The following SPIDR variants were observed in gnomAD, a reference collection of about 807,000 sequenced individuals.
The protein encoded by SPIDR is scaffold protein involved in DNA repair, also known as DNA repair-scaffolding protein.
A neutral mutation model predicts 104.6 loss-of-function variants in SPIDR; 93 were observed. That is an observed-to-expected ratio of 0.89 (90% CI 0.75 to 1.06). The LOEUF is 1.06. Among genes scored for constraint, SPIDR ranks in the 50% least tolerant of loss-of-function variants. The pLI is 0.00. For synonymous variants in SPIDR, 431 were observed against 416.9 expected, an observed-to-expected ratio of 1.03 and a Z score of -0.41; for missense variants, 1,154 against 1,111.2, an observed-to-expected ratio of 1.04 and a Z score of -0.55.
At chr8:47,583,609 C>T (rs2059969620) in intron 8 of SPIDR, among the ~76,000 whole-genome samples, 1 of 152,160 alleles carries the variant, frequency 6.6e-6, no homozygotes, top group Non-Finnish European at 1.5e-5. Flanking sequence ...AAAGTTCATG[C>T]TATCTAGATA....
chr8:47,536,609 T>C (rs1164672443), intron 8 of SPIDR, among the ~76,000 whole-genome samples: 1 of 152,090 alleles, frequency 6.6e-6, no homozygotes, highest in East Asian at 1.9e-4. Context: ...CACCAAAAAG[T>C]AACTCAAAAT....
At chr8:47,703,889 G>C (rs771266955) in intron 14 of SPIDR, among the ~76,000 whole-genome samples, 1 of 152,136 alleles carries the variant, frequency 6.6e-6, no homozygotes, top group African/African-American at 2.4e-5. Context: ...GAGAGGAGAC[G>C]GGGAGGGCCA....
At position 47,282,892 on chromosome 8, in the gene SPIDR, G is replaced by C. The variant is rs373447460; in HGVS notation, c.190-1136G>C. On this transcript the variant is annotated intron_variant, in intron 2 of 19. Transcript: ENST00000297423. ...TTTTTTTGAGAGGGAGTCTGTCTCTGTCGCTCGGGGTGGAGTGCAATGGTG... is the reference window on the plus strand; with the variant it reads ...TTTTTTTGAGAGGGAGTCTGTCTCTCTCGCTCGGGGTGGAGTGCAATGGTG... Among the ~76,000 whole-genome samples, 1,467 of 150,840 alleles carry C rather than the reference G, an allele frequency of 9.7e-3. 8 individuals carry two copies. The highest frequency in any genetic ancestry group is 0.016 in the Non-Finnish European group (1,085 of 67,828).
At chr8:47,696,416 A>AT (rs1183379254) in intron 11 of SPIDR, among the ~76,000 whole-genome samples, 1 of 152,098 alleles carries the variant, frequency 6.6e-6, no homozygotes, top group Non-Finnish European at 1.5e-5. Context: ...TGTTTAGAGT[A>AT]TTTTTTTCTC....
At chr8:47,520,563 G>T (rs1180684510) in intron 8 of SPIDR, among the ~76,000 whole-genome samples, 2 of 152,152 alleles carry the variant, frequency 1.3e-5, no homozygotes, top group Non-Finnish European at 2.9e-5. Context: ...GGCAGCACAA[G>T]ACCGTGTGCT....
chr8:47,429,183 A>T (rs2066922610), intron 7 of SPIDR, among the ~76,000 whole-genome samples: 1 of 152,258 alleles, frequency 6.6e-6, no homozygotes, highest in Non-Finnish European at 1.5e-5. Context: ...AGTTCTTACT[A>T]GAATTTAATA....
intron 5 of SPIDR, among the ~76,000 whole-genome samples, chr8:47,390,407 G>C (rs1409866133): frequency 2.0e-5 from 3 of 151,862 alleles, no homozygotes. Flanking sequence ...GGTATAGTCA[G>C]AATACTTTAT....
At chr8:47,490,897 ATGACGGTGAATGGGTGCAGCACAC>A (rs2078591468) in intron 8 of SPIDR, among the ~76,000 whole-genome samples, 1 of 152,182 alleles carries the variant, frequency 6.6e-6, no homozygotes, top group Non-Finnish European at 1.5e-5. Flanking sequence ...CCTAATGTAA[ATGACGGTGAATGGGTGCAGCACAC>A]CAATGTGGCA....
rs576138292 is a variant in SPIDR at position 47,359,203 on chromosome 8, G to A, written c.526-37173G>A. On this transcript the variant is annotated intron_variant, in intron 5 of 19. Coordinates refer to ENST00000297423, the MANE Select transcript of SPIDR (RefSeq NM_001080394.4). ...GGAGCTTGCAGTGAGCCGAGATTGC[G>A]CCACTGCAGTCCGCAGTCCGGCCTG... 4.1e-5 allele frequency among the ~76,000 whole-genome samples: 6 copies of A among 146,842 alleles called. No homozygotes were observed. The East Asian group carries it at 1.0e-3, about 25-fold the overall frequency.
chr8:47,703,813 A>G (rs2080680759), intron 14 of SPIDR, among the ~76,000 whole-genome samples: 1 of 152,180 alleles, frequency 6.6e-6, no homozygotes, highest in South Asian at 2.1e-4. Flanking sequence ...GCAGAAAGAA[A>G]AACAACCCAA....
At chr8:47,735,111 G>GTGT (rs2086028657) in intron 19 of SPIDR, among the ~76,000 whole-genome samples, 196 bp from the exon 20 acceptor site, 2 of 135,182 alleles carry the variant, frequency 1.5e-5, no homozygotes, top group African/African-American at 5.9e-5. Context: ...TGTGTGTGTG[G>GTGT]GTGTGTGTGT....
chr8:47,662,779 C>T (rs532056280), intron 10 of SPIDR, among the ~76,000 whole-genome samples: 4 of 152,246 alleles, frequency 2.6e-5, no homozygotes, highest in South Asian at 2.1e-4. Context: ...AATCTTTACC[C>T]GCAAGGTATT....
At chr8:47,620,810 G>A (rs1400670348) in intron 10 of SPIDR, among the ~76,000 whole-genome samples, 1 of 135,838 alleles carries the variant, frequency 7.4e-6, no homozygotes, top group Non-Finnish European at 1.6e-5. Flanking sequence ...TAGAGACGGG[G>A]TTTCACCATG....
At chr8:47,479,248 A>G (rs1047955519) in intron 8 of SPIDR, among the ~76,000 whole-genome samples, 2 of 151,704 alleles carry the variant, frequency 1.3e-5, no homozygotes, top group Non-Finnish European at 2.9e-5. Context: ...AATCCCAGCT[A>G]CTCAGGAGGC....
chr8:47,726,624 AC>A (rs1183854410), intron 16 of SPIDR, among the ~76,000 whole-genome samples: 6 of 151,748 alleles, frequency 4.0e-5, no homozygotes, highest in South Asian at 2.1e-4. Context: ...TGTCTTGTGG[AC>A]CCCCCTCACT....
intron 8 of SPIDR, among the ~76,000 whole-genome samples, chr8:47,574,038 A>G (rs142685277): frequency 1.3e-5 from 2 of 152,308 alleles, no homozygotes; most frequent in East Asian, 1.9e-4. Flanking sequence ...ACATTTATCT[A>G]TTTTAGCTGA....
intron 5 of SPIDR, among the ~76,000 whole-genome samples, chr8:47,334,210 A>C (rs2049282733): frequency 6.6e-6 from 1 of 152,170 alleles, no homozygotes; most frequent in Non-Finnish European, 1.5e-5. Flanking sequence ...GTTTTGATGA[A>C]TGTTCCATGT....
At chr8:47,700,068 A>C (rs1184532993) in intron 11 of SPIDR, among the ~76,000 whole-genome samples, 1 of 152,174 alleles carries the variant, frequency 6.6e-6, no homozygotes, top group African/African-American at 2.4e-5. Context: ...AGTGAGAGAG[A>C]GTTAATTTGT....
chr8:47,485,924 A>T (rs538807037), intron 8 of SPIDR, among the ~76,000 whole-genome samples: 2 of 152,226 alleles, frequency 1.3e-5, no homozygotes, highest in South Asian at 4.1e-4. Flanking sequence ...AAAGCTGAAA[A>T]TTCTACAAAT....
Sources: gnomAD v4.1 joint callset for allele counts (sites outside exome capture counted in the v4.1 genomes callset) on GRCh38, gnomAD v4.1.1 for gene constraint, MANE v1.5 for transcripts, NCBI Gene and HGNC (gene_info 2026-07-23, HGNC 2026-07-21) for gene names.